Variants in EYA4 observed in about 807,000 individuals in gnomAD.
EYA4 encodes protein phosphatase EYA4.
In EYA4, 31 loss-of-function variants were observed where a neutral mutation model predicts 87.9. That is an observed-to-expected ratio of 0.35 (90% CI 0.27 to 0.48). EYA4 has a LOEUF of 0.48. Among genes scored for constraint, EYA4 ranks in the 20% least tolerant of loss-of-function variants. The pLI is 0.99. For missense variants in EYA4, 678 were observed against 761.4 expected (o/e 0.89, Z 1.29); for synonymous variants, 263 against 270.6 (o/e 0.97, Z 0.28).
At chr6:133,374,981 G>C (rs918901735) in intron 2 of EYA4, among the ~76,000 whole-genome samples, 1 of 151,906 alleles carries the variant, frequency 6.6e-6, no homozygotes, top group Non-Finnish European at 1.5e-5. Context: ...TCTCAAATTT[G>C]TATAAACATA....
intron 16 of EYA4, 133 bp from the exon 17 acceptor site, chr6:133,515,188 A>G: frequency 2.8e-6 from 2 of 705,766 alleles, no homozygotes; most frequent in Non-Finnish European, 5.2e-6. Flanking sequence ...ATATGGACAT[A>G]AATCTGTATC....
At chr6:133,464,638 C>A in intron 9 of EYA4, 141 bp from the exon 10 acceptor site, 1 of 667,098 alleles carries the variant, frequency 1.5e-6, no homozygotes, top group Non-Finnish European at 2.7e-6. Flanking sequence ...AGCCTATTTT[C>A]TGTATAAATG....
In EYA4 at chr6:133,409,213, A is replaced by G. The variant is rs946070156; in HGVS notation, c.83+26772A>G. Among the ~76,000 whole-genome samples, 8 of 152,350 alleles carry G rather than the reference A, an allele frequency of 5.3e-5. No individual in the cohort carries two copies. In the East Asian group the frequency reaches 1.5e-3, roughly 29 times the overall value. ...AAAAAGGAAGTGAAATCAGCCCCAC[A>G]TAGAGATGTATGCACTCCCATGTTT... On this transcript the variant is annotated intron_variant, in intron 3 of 19. Coordinates refer to ENST00000355286, the MANE Select transcript of EYA4 (RefSeq NM_004100.5).
At chr6:133,362,260 G>A (rs1464201223) in intron 2 of EYA4, among the ~76,000 whole-genome samples, 1 of 152,084 alleles carries the variant, frequency 6.6e-6, no homozygotes, top group African/African-American at 2.4e-5. Context: ...CTGCTATAAG[G>A]GAGCTTTGGT....
chr6:133,438,046 T>TA (rs1791874060), intron 3 of EYA4, among the ~76,000 whole-genome samples: 2 of 152,272 alleles, frequency 1.3e-5, no homozygotes, highest in South Asian at 4.1e-4. Flanking sequence ...ACATTCTGTA[T>TA]AAATTGGAAT....
At chr6:133,316,171 A>T (rs911489532) in intron 2 of EYA4, among the ~76,000 whole-genome samples, 1 of 152,196 alleles carries the variant, frequency 6.6e-6, no homozygotes, top group African/African-American at 2.4e-5. Flanking sequence ...TTCTCTTAAA[A>T]GCCTGAAAAC....
chr6:133,415,850 A>G (rs1789666341), intron 3 of EYA4, among the ~76,000 whole-genome samples: 1 of 152,218 alleles, frequency 6.6e-6, no homozygotes, highest in Non-Finnish European at 1.5e-5. Context: ...GGAAACAGAC[A>G]CACAACAAGT....
At chr6:133,415,402 C>T (rs558431385) in intron 3 of EYA4, among the ~76,000 whole-genome samples, 2 of 152,206 alleles carry the variant, frequency 1.3e-5, no homozygotes, top group South Asian at 4.1e-4. Context: ...TCTTTGGCTC[C>T]ACTTCCTCCT....
At chr6:133,275,548 T>C (rs934930649) in intron 2 of EYA4, among the ~76,000 whole-genome samples, 21 of 137,596 alleles carry the variant, frequency 1.5e-4, no homozygotes, top group Admixed American at 1.5e-3. Flanking sequence ...TGCTGTTCCT[T>C]TTTTTTTTTT....
Position 133,411,855 on chromosome 6 carries a change from C to T in EYA4, c.83+29414C>T, listed in dbSNP as rs114146371. The stretch of plus-strand genomic sequence containing the variant: ...TTCTTAGAGTGAACTTCTAGAAATG[C>T]AATTTCAGGTCAAAGGTCATGCATA... On this transcript the variant is annotated intron_variant, in intron 3 of 19. Coordinates refer to ENST00000355286, the MANE Select transcript of EYA4 (RefSeq NM_004100.5). Among the ~76,000 whole-genome samples, 812 of 152,232 alleles carry T rather than the reference C, an allele frequency of 5.3e-3. 5 individuals are homozygous for T. The highest frequency in any genetic ancestry group is 0.018 in the African/African-American group (731 of 41,526).
chr6:133,299,705 C>T (rs1779217348), intron 2 of EYA4, among the ~76,000 whole-genome samples: 1 of 140,244 alleles, frequency 7.1e-6, no homozygotes, highest in African/African-American at 3.0e-5. Flanking sequence ...GAGTGAGACT[C>T]TGTCTCAAAA....
At chr6:133,485,462 A>C (rs910631893) in intron 13 of EYA4, among the ~76,000 whole-genome samples, 17 of 152,332 alleles carry the variant, frequency 1.1e-4, no homozygotes, top group African/African-American at 3.8e-4. Flanking sequence ...TATCCAGAGA[A>C]GTAATAAAAA....
Position 133,302,072 on chromosome 6 carries a change from G to GT in EYA4, c.33+27264dup, listed in dbSNP as rs61537263. ...TGAGGACAGAATTTGCAAAGCAGCAGTTTTTGCAAATGACTCAGAAACCAG... is the reference window on the plus strand; with the variant it reads ...TGAGGACAGAATTTGCAAAGCAGCAGTTTTTTGCAAATGACTCAGAAACCAG... On this transcript the variant is annotated intron_variant, in intron 2 of 19. Transcript: ENST00000355286. 6.5e-3 allele frequency among the ~76,000 whole-genome samples: 995 copies of GT among 152,300 alleles called. 9 individuals are homozygous for GT. The highest frequency in any genetic ancestry group is 0.024 in the South Asian group (116 of 4,828).
At position 133,522,613 on chromosome 6, in the gene EYA4, CT is replaced by C. The variant is rs1159400980; in HGVS notation, c.1617-439del. ...TTTTTGTTTTCTTCTTTATATTTGT[CT>C]TTTACAAATTTTCCTGTTACAAGTA... On this transcript the variant is annotated intron_variant, in intron 17 of 19. Transcript: ENST00000355286. Among the ~76,000 whole-genome samples, 9 of 152,120 alleles carry C rather than the reference CT, an allele frequency of 5.9e-5. No homozygotes were observed. The East Asian group carries it at 1.2e-3, about 20-fold the overall frequency.
At chr6:133,519,471 A>C (rs1056803486) in intron 17 of EYA4, among the ~76,000 whole-genome samples, 9 of 151,316 alleles carry the variant, frequency 5.9e-5, no homozygotes, top group Non-Finnish European at 1.3e-4. Flanking sequence ...TGAATAGACC[A>C]ATAACAGGAT....
At chr6:133,340,387 T>C (rs973837602) in intron 2 of EYA4, among the ~76,000 whole-genome samples, 1 of 152,208 alleles carries the variant, frequency 6.6e-6, no homozygotes, top group Non-Finnish European at 1.5e-5. Context: ...AGTGCTTACA[T>C]TTGTTTGGAG....
chr6:133,446,786 CAT>C, intron 4 of EYA4, 32 bp downstream of exon 4: 2 of 1,606,804 alleles, frequency 1.2e-6, no homozygotes, highest in Non-Finnish European at 1.7e-6. Flanking sequence ...TACCCAGAAT[CAT>C]ATTTCAATGT....
Position 133,343,712 on chromosome 6 carries a change from T to C in EYA4, c.34-38680T>C, listed in dbSNP as rs369054458. Among the ~76,000 whole-genome samples, 138 of 152,072 alleles carry C rather than the reference T, an allele frequency of 9.1e-4. 2 individuals are homozygous for C. In the South Asian group the frequency reaches 0.028, roughly 31 times the overall value. ...TTACTATTTACAAAGTGTTTACATA[T>C]TCATTTTCCTGTTTGAGATAGTGGT... On this transcript the variant is annotated intron_variant, in intron 2 of 19. Transcript: ENST00000355286.
chr6:133,386,334 T>C (rs2128487801), intron 3 of EYA4, among the ~76,000 whole-genome samples: 1 of 152,282 alleles, frequency 6.6e-6, no homozygotes, highest in South Asian at 2.1e-4. Flanking sequence ...CCTGGACAAA[T>C]GAATTTTACA....
Sources: gnomAD v4.1 joint callset for allele counts (sites outside exome capture counted in the v4.1 genomes callset) on GRCh38, gnomAD v4.1.1 for gene constraint, MANE v1.5 for transcripts, NCBI Gene and HGNC (gene_info 2026-07-23, HGNC 2026-07-21) for gene names.